Variants in CBFB observed in about 807,000 individuals in gnomAD.
CBFB encodes the protein core-binding factor subunit beta.
Under a neutral mutation model 30.4 loss-of-function variants are expected in CBFB, and 9 were observed. The ratio of observed to expected loss-of-function variants is 0.30; its 90% CI spans 0.18 to 0.52. The LOEUF (loss-of-function observed/expected upper bound fraction) is 0.52. CBFB is among the 20% of genes least tolerant of loss of function. The pLI, the probability that CBFB is intolerant of heterozygous loss-of-function variation, is 0.97. For missense variants in CBFB, 170 were observed against 244.0 expected (o/e 0.70, Z 2.02); for synonymous variants, 94 against 84.0 (o/e 1.12, Z -0.65).
chr16:67,062,423 G>A (rs1395480039), intron 3 of CBFB, among the ~76,000 whole-genome samples: 1 of 151,168 alleles, frequency 6.6e-6, no homozygotes, highest in Non-Finnish European at 1.5e-5. Context: ...CCCTGCCTTG[G>A]CCTCCCAAAG....
rs1181068891 is a variant in CBFB, at chr16:67,029,423, C to T, written c.16C>T (p.Pro6Ser). 1.3e-6 allele frequency: 2 copies of T among 1,579,226 alleles called. No homozygotes were observed. The highest frequency in any genetic ancestry group is 2.4e-5 in the East Asian group (1 of 41,280). ...GGGCGGGAAGATGCCGCGCGTCGTGCCCGACCAGAGAAGCAAGTTCGAGAA... is the reference window on the plus strand; with the variant it reads ...GGGCGGGAAGATGCCGCGCGTCGTGTCCGACCAGAGAAGCAAGTTCGAGAA... MPRVV[P>S]DQRSKFENEE... Residue 6 changes from proline (P) to serine (S), a missense_variant, in exon 1 of 6, where the codon CCC (proline) becomes TCC (serine). Physicochemically the swap from Pro to Ser is moderately conservative, Grantham distance 74. Transcript: ENST00000412916.
rs2145713405 is a variant in CBFB at position 67,036,686 on chromosome 16, C to T, written c.213C>T (p.Ala71=). The change falls in exon 3 of 6, where the codon GCC becomes GCT. Residue 71 remains alanine (A), a synonymous_variant. Coordinates refer to ENST00000412916, the MANE Select transcript of CBFB (RefSeq NM_022845.3). ...GTNLSLQFFP[A]SWQGEQRQTP... ...ATCTGTCTCTCCAGTTTTTTCCGGC[C>T]AGCTGGCAGGGAGAACAGCGACAAA... 1.2e-6 allele frequency: 2 copies of T among 1,613,860 alleles called. No individual in the cohort carries two copies. Among genetic ancestry groups the T allele is most frequent in the Non-Finnish European group, 8.5e-7 (1 of 1,179,828 alleles).
In CBFB at chr16:67,100,885, T is replaced by C; in HGVS notation, c.*2107T>C. 1 of 199,756 alleles carries C rather than the reference T, an allele frequency of 5.0e-6. No homozygotes were observed. The highest frequency in any genetic ancestry group is 1.0e-5 in the Non-Finnish European group (1 of 96,484). 12.4% of individuals were successfully genotyped at this position (199,756 alleles called of 1,614,324 possible). A position where few individuals can be genotyped will look rare whatever the true frequency, so the allele number is the denominator to read the frequency against. Reference sequence around the variant, plus strand: ...ACTTCTATTAAGTTATTGATGCAATTTGATATTTTTTCATAATCTATATTT... The same window carrying C: ...ACTTCTATTAAGTTATTGATGCAATCTGATATTTTTTCATAATCTATATTT... On this transcript the variant is annotated 3_prime_UTR_variant, in exon 6 of 6. Coordinates refer to ENST00000412916, the MANE Select transcript of CBFB (RefSeq NM_022845.3).
intron 3 of CBFB, among the ~76,000 whole-genome samples, chr16:67,061,736 T>G (rs1326601862): frequency 1.3e-5 from 2 of 151,996 alleles, no homozygotes; most frequent in Non-Finnish European, 2.9e-5. Context: ...GATTAAAAAT[T>G]GTCATCATTT....
At chr16:67,070,475 A>G (rs882821) in intron 4 of CBFB, among the ~76,000 whole-genome samples, 12,880 of 152,284 alleles carry the variant, frequency 0.085, 1,656 homozygotes, top group African/African-American at 0.28. Flanking sequence ...CAGCAATCTA[A>G]AAGTCTATTT....
intron 4 of CBFB, 67 bp from the exon 5 acceptor site, chr16:67,082,142 AAAAC>A: frequency 3.0e-6 from 4 of 1,322,278 alleles, no homozygotes; most frequent in African/African-American, 3.0e-5. Context: ...AAAAAAAAAA[AAAAC>A]AAAACCCAAA....
chr16:67,074,493 C>G (rs977774214), intron 4 of CBFB, among the ~76,000 whole-genome samples: 2 of 151,722 alleles, frequency 1.3e-5, no homozygotes, highest in African/African-American at 4.9e-5. Context: ...AGTGATTCTC[C>G]TGCCTCAGCC....
At chr16:67,029,690 G>A in intron 1 of CBFB, 37 bp from the exon 2 acceptor site, 2 of 1,540,942 alleles carry the variant, frequency 1.3e-6, no homozygotes, top group Non-Finnish European at 1.8e-6. Flanking sequence ...CGGCGCCGCG[G>A]ATTTGGCTCC....
At chr16:67,097,507 T>C (rs989939452) in intron 5 of CBFB, among the ~76,000 whole-genome samples, 1 of 142,410 alleles carries the variant, frequency 7.0e-6, no homozygotes, top group African/African-American at 2.7e-5. Flanking sequence ...ATTGCGCCAC[T>C]GCACTCCAGC....
chr16:67,082,425 T>C, intron 5 of CBFB, 117 bp downstream of exon 5: 1 of 1,309,818 alleles, frequency 7.6e-7, no homozygotes, highest in South Asian at 1.8e-5. Context: ...TCTTTCATTT[T>C]TAAAAAGTTG....
At chr16:67,053,897 TA>T (rs1358968078) in intron 3 of CBFB, among the ~76,000 whole-genome samples, 2 of 151,726 alleles carry the variant, frequency 1.3e-5, no homozygotes, top group African/African-American at 4.8e-5. Flanking sequence ...ATTCCAGAGC[TA>T]CCTTCTTTTC....
chr16:67,044,110 G>C (rs1418785313), intron 3 of CBFB, among the ~76,000 whole-genome samples: 2 of 152,176 alleles, frequency 1.3e-5, no homozygotes, highest in Non-Finnish European at 2.9e-5. Flanking sequence ...AAATGCAAGT[G>C]ATTATGGTTG....
intron 3 of CBFB, among the ~76,000 whole-genome samples, chr16:67,039,057 C>T (rs1178195374): frequency 6.6e-6 from 1 of 152,144 alleles, no homozygotes; most frequent in Non-Finnish European, 1.5e-5. Flanking sequence ...TCATGTGTCA[C>T]TTAATGGTAG....
chr16:67,052,800 A>C (rs570029287), intron 3 of CBFB, among the ~76,000 whole-genome samples: 1 of 152,116 alleles, frequency 6.6e-6, no homozygotes, highest in Non-Finnish European at 1.5e-5. Context: ...CATCTCTACA[A>C]AAAAATAAAA....
intron 3 of CBFB, among the ~76,000 whole-genome samples, chr16:67,046,695 A>T (rs111234378): frequency 6.6e-6 from 1 of 152,300 alleles, no homozygotes; most frequent in African/African-American, 2.4e-5. Flanking sequence ...ATGCAGACAT[A>T]CATGCACTGA....
Position 67,099,064 on chromosome 16 carries a change from A to AGT in CBFB, c.*286_*287insGT. On this transcript the variant is annotated 3_prime_UTR_variant, in exon 6 of 6. Coordinates refer to ENST00000412916, the MANE Select transcript of CBFB (RefSeq NM_022845.3). ...TTAGGGAGTTGAAACTATCAACTGT[A>AGT]AAGCTCCTTTTCTTCCACTTTAATT... 2.9e-6 allele frequency: 1 copy of AGT among 341,846 alleles called. No homozygotes were observed. Among genetic ancestry groups the AGT allele is most frequent in the Non-Finnish European group, 5.3e-6 (1 of 190,466 alleles). 21.2% of individuals were successfully genotyped at this position (341,846 alleles called of 1,614,324 possible). A position where few individuals can be genotyped will look rare whatever the true frequency, so the allele number is the denominator to read the frequency against.
chr16:67,051,912 TACACACACACAC>T (rs112469458), intron 3 of CBFB, among the ~76,000 whole-genome samples: 37 of 144,024 alleles, frequency 2.6e-4, no homozygotes, highest in South Asian at 2.2e-3. Context: ...TATATGTGTA[TACACACACACAC>T]ACACACACAC....
At chr16:67,063,115 T>C (rs546398818) in intron 3 of CBFB, among the ~76,000 whole-genome samples, 15 of 152,246 alleles carry the variant, frequency 9.9e-5, no homozygotes, top group Admixed American at 3.3e-4. Flanking sequence ...GTATTGTTTT[T>C]AGGTTTTGTG....
At chr16:67,087,508 T>A (rs1961764772) in intron 5 of CBFB, among the ~76,000 whole-genome samples, 1 of 152,020 alleles carries the variant, frequency 6.6e-6, no homozygotes, top group Non-Finnish European at 1.5e-5. Context: ...TGAACTATGA[T>A]TGTGACACTG....
Sources: allele counts gnomAD v4.1 joint callset (sites outside exome capture counted in the v4.1 genomes callset), GRCh38; gene constraint gnomAD v4.1.1; transcripts MANE v1.5; gene names NCBI Gene and HGNC (gene_info 2026-07-23, HGNC 2026-07-21).